FBXW7: variants seen among roughly 807,000 people sequenced by gnomAD.
FBXW7 encodes the protein F-box/WD repeat-containing protein 7.
FBXW7 carries 11 observed loss-of-function variants against 86.3 expected under a neutral mutation model. The ratio of observed to expected loss-of-function variants is 0.13; its 90% CI spans 0.08 to 0.21. The LOEUF is 0.21. FBXW7 is among the 10% of genes least tolerant of loss of function. The pLI, the probability that FBXW7 is intolerant of heterozygous loss-of-function variation, is 1.00. For missense variants in FBXW7, 488 were observed against 847.4 expected, an observed-to-expected ratio of 0.58 and a Z score of 5.27; for synonymous variants, 313 against 297.9, an observed-to-expected ratio of 1.05 and a Z score of -0.52.
chr4:152,519,114 C>T (rs760676870), intron 2 of FBXW7, among the ~76,000 whole-genome samples: 33 of 151,964 alleles, frequency 2.2e-4, no homozygotes, highest in Non-Finnish European at 3.5e-4. Context: ...CTGGCTAACA[C>T]GGTGAAACCC....
At chr4:152,406,211 G>T (rs759424131) in intron 4 of FBXW7, among the ~76,000 whole-genome samples, 1 of 152,138 alleles carries the variant, frequency 6.6e-6, no homozygotes, top group African/African-American at 2.4e-5. Flanking sequence ...TCTGTATAAA[G>T]AACTAATCAA....
At chr4:152,324,919 C>T (rs935318063) in intron 12 of FBXW7, 19 of 153,062 alleles carry the variant, frequency 1.2e-4, no homozygotes, top group African/African-American at 3.9e-4. Flanking sequence ...GAACCTAATG[C>T]TAATTAGGAA....
intron 4 of FBXW7, among the ~76,000 whole-genome samples, chr4:152,396,110 T>C (rs571159064): frequency 1.3e-5 from 2 of 152,110 alleles, no homozygotes; most frequent in Non-Finnish European, 2.9e-5. Context: ...TTGAAAATCA[T>C]TCCAGGTTAG....
At chr4:152,468,774 G>C (rs554670505) in intron 2 of FBXW7, among the ~76,000 whole-genome samples, 17 of 151,994 alleles carry the variant, frequency 1.1e-4, no homozygotes, top group African/African-American at 2.4e-4. Flanking sequence ...AATTTGCTAA[G>C]ATGAAATATA....
At chr4:152,335,696 A>G (rs964008548) in intron 7 of FBXW7, among the ~76,000 whole-genome samples, 1 of 152,238 alleles carries the variant, frequency 6.6e-6, no homozygotes, top group Non-Finnish European at 1.5e-5. Context: ...TAACCTATAT[A>G]AAAGACAACC....
At chr4:152,348,236 C>A (rs1474191790) in intron 5 of FBXW7, among the ~76,000 whole-genome samples, 1 of 152,000 alleles carries the variant, frequency 6.6e-6, no homozygotes, top group African/African-American at 2.4e-5. Flanking sequence ...CCCTTTAAAT[C>A]CTCTAATAGT....
At chr4:152,490,145 T>A (rs1269170566) in intron 2 of FBXW7, among the ~76,000 whole-genome samples, 1 of 152,116 alleles carries the variant, frequency 6.6e-6, no homozygotes, top group Non-Finnish European at 1.5e-5. Context: ...AGACAGAGTA[T>A]AACATACGTT....
chr4:152,466,612 T>C (rs575963611), intron 2 of FBXW7, among the ~76,000 whole-genome samples: 2 of 151,664 alleles, frequency 1.3e-5, no homozygotes, highest in Admixed American at 6.6e-5. Context: ...ACATATTCCA[T>C]ACATAAGTTT....
intron 4 of FBXW7, among the ~76,000 whole-genome samples, chr4:152,408,048 A>G (rs762686359): frequency 2.2e-4 from 33 of 152,142 alleles, no homozygotes; most frequent in Non-Finnish European, 4.4e-4. Context: ...AGGCAAATGG[A>G]TAAAAACGAT....
At chr4:152,447,846 C>A (rs1014773188) in intron 2 of FBXW7, among the ~76,000 whole-genome samples, 1 of 152,128 alleles carries the variant, frequency 6.6e-6, no homozygotes, top group Admixed American at 6.5e-5. Context: ...ATGAAATCTA[C>A]GAATGTGAGG....
At chr4:152,531,901 A>G (rs1013751800) in intron 2 of FBXW7, among the ~76,000 whole-genome samples, 28 of 152,324 alleles carry the variant, frequency 1.8e-4, no homozygotes, top group African/African-American at 6.7e-4. Context: ...GCTTGTTTCA[A>G]AAATACAGAA....
chr4:152,384,473 T>TAA (rs1735360778), intron 4 of FBXW7, among the ~76,000 whole-genome samples: 1 of 152,062 alleles, frequency 6.6e-6, no homozygotes, highest in Admixed American at 6.6e-5. Context: ...TTGGAATACT[T>TAA]AAATTTGCAT....
chr4:152,440,993 G>C (rs1051468348), intron 2 of FBXW7, among the ~76,000 whole-genome samples: 13 of 151,448 alleles, frequency 8.6e-5, no homozygotes, highest in Middle Eastern at 3.2e-3. Flanking sequence ...GAAATTTTAA[G>C]ATGGAAGCGG....
chr4:152,425,010 AC>A (rs1739257879), intron 2 of FBXW7, among the ~76,000 whole-genome samples: 1 of 152,172 alleles, frequency 6.6e-6, no homozygotes, highest in Non-Finnish European at 1.5e-5. Context: ...CTGAAATAGG[AC>A]CCGAGATTCT....
At chr4:152,413,953 C>T (rs1738212567) in intron 2 of FBXW7, among the ~76,000 whole-genome samples, 1 of 152,070 alleles carries the variant, frequency 6.6e-6, no homozygotes, top group South Asian at 2.1e-4. Flanking sequence ...ACAGTTGATT[C>T]CCATTCACAG....
At chr4:152,376,759 T>C (rs1734561758) in intron 4 of FBXW7, among the ~76,000 whole-genome samples, 1 of 152,126 alleles carries the variant, frequency 6.6e-6, no homozygotes, top group Non-Finnish European at 1.5e-5. Flanking sequence ...TACTGCATTG[T>C]CTTTTGAGGA....
chr4:152,382,117 T>C, intron 4 of FBXW7: 1 of 1,095,922 alleles, frequency 9.1e-7, no homozygotes, highest in South Asian at 2.2e-5. Context: ...ATTTGAGGCA[T>C]CTTTTCACTA....
At chr4:152,494,048 T>C (rs1255336357) in intron 2 of FBXW7, among the ~76,000 whole-genome samples, 2 of 152,238 alleles carry the variant, frequency 1.3e-5, no homozygotes, top group African/African-American at 4.8e-5. Context: ...GTGGTACCCA[T>C]TAATGCTTAT....
rs758679262 is a variant in FBXW7, at chr4:152,411,399, ATCT to A, written c.402_404del (p.Glu134del). The A allele has an allele frequency of 6.2e-7, 1 of 1,613,566 alleles. No individual in the cohort carries two copies. Among genetic ancestry groups the A allele is most frequent in the East Asian group, 2.2e-5 (1 of 44,820 alleles). ...TGACACTGTTAGTATGTGTATGTTC[ATCT>A]TCTCTGCTACTATCATCAGACTGAT... On this transcript the variant is annotated inframe_deletion, in exon 4 of 14. Transcript: ENST00000281708.
Sources: gnomAD v4.1 joint callset for allele counts (sites outside exome capture counted in the v4.1 genomes callset) on GRCh38, gnomAD v4.1.1 for gene constraint, MANE v1.5 for transcripts, NCBI Gene and HGNC (gene_info 2026-07-23, HGNC 2026-07-21) for gene names.